CDH20: variants seen among roughly 807,000 people sequenced by gnomAD.
CDH20 encodes cadherin-20.
Under a neutral mutation model 74.2 loss-of-function variants are expected in CDH20, and 29 were observed. The observed-to-expected ratio is 0.39, with a 90% CI of 0.29 to 0.53. The LOEUF (loss-of-function observed/expected upper bound fraction) is 0.53. CDH20 is among the 20% of genes least tolerant of loss of function. The pLI is 0.69. For missense variants in CDH20, 988 were observed against 1,048.3 expected (o/e 0.94, Z 0.79); for synonymous variants, 469 against 405.4 (o/e 1.16, Z -1.88).
chr18:61,542,940 C>A (rs1299228318), intron 9 of CDH20, among the ~76,000 whole-genome samples: 1 of 152,164 alleles, frequency 6.6e-6, no homozygotes, highest in Admixed American at 6.5e-5. Flanking sequence ...CATGAGGGAT[C>A]CACCTGGATG....
intron 1 of CDH20, among the ~76,000 whole-genome samples, chr18:61,408,841 A>T (rs1463656831): frequency 6.6e-6 from 1 of 152,230 alleles, no homozygotes; most frequent in Non-Finnish European, 1.5e-5. Context: ...GTCAAATTGC[A>T]CTATGTGGAC....
At chr18:61,454,917 T>C (rs76364944) in intron 1 of CDH20, among the ~76,000 whole-genome samples, 2,324 of 152,284 alleles carry the variant, frequency 0.015, 29 homozygotes, top group Middle Eastern at 0.024. Flanking sequence ...AAAAGCATCA[T>C]GCGTGAGGCA....
At chr18:61,405,939 A>T (rs1599063281) in intron 1 of CDH20, among the ~76,000 whole-genome samples, 1 of 152,296 alleles carries the variant, frequency 6.6e-6, no homozygotes, top group African/African-American at 2.4e-5. Context: ...GTCTGTTAGG[A>T]TGTGCAGATT....
intron 6 of CDH20, among the ~76,000 whole-genome samples, chr18:61,524,707 G>A (rs1045113483): frequency 2.6e-5 from 4 of 152,222 alleles, no homozygotes; most frequent in African/African-American, 9.6e-5. Flanking sequence ...TATCACCTGA[G>A]GTCAAGAGTT....
intron 1 of CDH20, among the ~76,000 whole-genome samples, chr18:61,363,159 T>A (rs1484378385): frequency 6.6e-6 from 1 of 152,162 alleles, no homozygotes; most frequent in African/African-American, 2.4e-5. Context: ...TATTTGATCT[T>A]CTCTTTGGAA....
chr18:61,490,215 G>A (rs1032851421), intron 1 of CDH20, among the ~76,000 whole-genome samples, 187 bp from the exon 2 acceptor site: 11 of 152,124 alleles, frequency 7.2e-5, no homozygotes, highest in Admixed American at 2.6e-4. Context: ...ATTGATTATA[G>A]CAAGATGTGT....
intron 1 of CDH20, among the ~76,000 whole-genome samples, chr18:61,487,064 A>G (rs1038088151): frequency 2.0e-5 from 3 of 152,240 alleles, no homozygotes; most frequent in Non-Finnish European, 4.4e-5. Flanking sequence ...TTCATTACCA[A>G]GCTGTTTTCT....
At chr18:61,465,708 T>C (rs1005146141) in intron 1 of CDH20, among the ~76,000 whole-genome samples, 4 of 151,994 alleles carry the variant, frequency 2.6e-5, no homozygotes, top group African/African-American at 7.2e-5. Context: ...GTCAACAGCA[T>C]AGAGGATCAA....
chr18:61,362,739 ATAG>A (rs1910740130), intron 1 of CDH20, among the ~76,000 whole-genome samples: 1 of 152,150 alleles, frequency 6.6e-6, no homozygotes, highest in Non-Finnish European at 1.5e-5. Context: ...TAAGTACTAC[ATAG>A]TAGACTTAGT....
At position 61,478,298 on chromosome 18, in the gene CDH20, G is replaced by A. The variant is rs560718027; in HGVS notation, c.-152-12104G>A. ...ATTGTCATTTGATCACTCTTTTTTG[G>A]AATAATATTTTAAATGTTGAGCATA... is the stretch of plus-strand genomic sequence containing the variant. On this transcript the variant is annotated intron_variant, in intron 1 of 11. Coordinates refer to ENST00000262717, the MANE Select transcript of CDH20 (RefSeq NM_031891.4). Among the ~76,000 whole-genome samples the A allele has an allele frequency of 5.3e-4, 80 of 151,792 alleles. 1 individual carries two copies. Among genetic ancestry groups the A allele is most frequent in the Non-Finnish European group, 5.2e-4 (35 of 67,942 alleles).
intron 7 of CDH20, among the ~76,000 whole-genome samples, chr18:61,531,922 G>GGTT (rs1912658937): frequency 6.6e-6 from 1 of 152,092 alleles, no homozygotes; most frequent in Non-Finnish European, 1.5e-5. Flanking sequence ...ATGCTGAACT[G>GGTT]TGAGTCAAAC....
intron 1 of CDH20, among the ~76,000 whole-genome samples, chr18:61,362,539 A>G (rs1910730394): frequency 6.6e-6 from 1 of 152,192 alleles, no homozygotes; most frequent in Non-Finnish European, 1.5e-5. Context: ...GGGACAGATA[A>G]TAAATATAAA....
intron 1 of CDH20, among the ~76,000 whole-genome samples, chr18:61,451,350 C>T (rs1373851082): frequency 6.6e-6 from 1 of 151,934 alleles, no homozygotes. Flanking sequence ...GTAATAAATA[C>T]TCAAAGTATA....
chr18:61,389,823 C>T (rs189205817), intron 1 of CDH20, among the ~76,000 whole-genome samples: 77 of 152,282 alleles, frequency 5.1e-4, no homozygotes, highest in Middle Eastern at 3.4e-3. Flanking sequence ...AGCTAACATG[C>T]CACTTGTGGA....
At chr18:61,389,781 A>G (rs927909472) in intron 1 of CDH20, among the ~76,000 whole-genome samples, 2 of 152,006 alleles carry the variant, frequency 1.3e-5, no homozygotes, top group African/African-American at 4.8e-5. Context: ...TCTTTCTAAA[A>G]TTTCTATTAT....
At chr18:61,401,509 T>C (rs1568125634) in intron 1 of CDH20, among the ~76,000 whole-genome samples, 1 of 152,214 alleles carries the variant, frequency 6.6e-6, no homozygotes, top group Non-Finnish European at 1.5e-5. Flanking sequence ...GTGACTTAGA[T>C]ACTAGACAAC....
chr18:61,396,182 A>G (rs758344529), intron 1 of CDH20, among the ~76,000 whole-genome samples: 3 of 152,142 alleles, frequency 2.0e-5, no homozygotes, highest in Non-Finnish European at 4.4e-5. Context: ...GAGAGACTAC[A>G]GAAGAGTGCT....
chr18:61,492,044 C>T (rs980316781), intron 2 of CDH20, among the ~76,000 whole-genome samples: 19 of 152,180 alleles, frequency 1.2e-4, no homozygotes, highest in African/African-American at 4.6e-4. Flanking sequence ...AATGCAAAAC[C>T]TCTATCTCTG....
intron 1 of CDH20, among the ~76,000 whole-genome samples, chr18:61,456,441 C>T (rs1265591488): frequency 1.1e-4 from 17 of 152,020 alleles, no homozygotes; most frequent in Admixed American, 1.1e-3. Flanking sequence ...ACCAAATCTC[C>T]CTCCAATGCT....
Sources: allele counts gnomAD v4.1 joint callset (sites outside exome capture counted in the v4.1 genomes callset), GRCh38; gene constraint gnomAD v4.1.1; transcripts MANE v1.5; gene names NCBI Gene and HGNC (gene_info 2026-07-23, HGNC 2026-07-21).